Variants in DHX38 observed in about 807,000 individuals in gnomAD.
The protein encoded by DHX38 is DEAH-box helicase 38.
A neutral mutation model predicts 153.1 loss-of-function variants in DHX38; 100 were observed. The observed-to-expected ratio is 0.65, with a 90% confidence interval of 0.56 to 0.77. DHX38 has a LOEUF of 0.77. Ranked by LOEUF, DHX38 falls within the 30% of genes least tolerant of loss-of-function variation. The pLI, the probability that DHX38 is intolerant of heterozygous loss-of-function variation, is 0.00. For synonymous variants in DHX38, 650 were observed against 631.7 expected (o/e 1.03, Z -0.43); for missense variants, 1,440 against 1,654.0 (o/e 0.87, Z 2.24).
At chr16:72,106,439 A>G (rs58152051) in intron 19 of DHX38, among the ~76,000 whole-genome samples, 90,084 of 149,370 alleles carry the variant, frequency 0.6, 28,553 homozygotes, top group African/African-American at 0.77. Context: ...CTCTTTCCCC[A>G]TTTTCTTTCT....
intron 16 of DHX38, 32 bp downstream of exon 16, chr16:72,105,169 G>C: frequency 6.2e-7 from 1 of 1,613,804 alleles, no homozygotes; most frequent in East Asian, 2.2e-5. Context: ...GTGATGAGCG[G>C]GTGTGTCTTG....
chr16:72,102,279 T>A (rs1193562639), intron 11 of DHX38, among the ~76,000 whole-genome samples: 1 of 152,174 alleles, frequency 6.6e-6, no homozygotes, highest in African/African-American at 2.4e-5. Flanking sequence ...CCCTTATTCT[T>A]CTCTAGTTAA....
rs915447491 is a variant in DHX38 at position 72,106,182 on chromosome 16, C to G, written c.2600+65C>G. 6 of 1,510,310 alleles carry G rather than the reference C, an allele frequency of 4.0e-6. No individual in the cohort carries two copies. The Admixed American group carries it at 6.8e-5, about 17-fold the overall frequency. 93.6% of individuals were successfully genotyped at this position (1,510,310 alleles called of 1,614,324 possible). A position where few individuals can be genotyped will look rare whatever the true frequency, so the allele number is the denominator to read the frequency against. On this transcript the variant is annotated intron_variant, in intron 19 of 26. Coordinates refer to ENST00000268482, the MANE Select transcript of DHX38 (RefSeq NM_014003.4). The stretch of plus-strand genomic sequence containing the variant: ...GGGGTTGCTGAGCGTGGAGCCCGGG[C>G]GGGGGCGGGCAGGATGCTGGCTCTA...
chr16:72,097,132 C>T, intron 3 of DHX38, 123 bp downstream of exon 3: 3 of 1,142,340 alleles, frequency 2.6e-6, no homozygotes, highest in Non-Finnish European at 3.6e-6. Flanking sequence ...ATGATGTCCG[C>T]CTGAGTGGTT....
At chr16:72,099,129 T>G (rs924015733) in intron 6 of DHX38, 75 bp from the exon 7 acceptor site, 54 of 1,594,524 alleles carry the variant, frequency 3.4e-5, no homozygotes, top group Non-Finnish European at 4.5e-5. Flanking sequence ...TGGAGCTGCA[T>G]GGCCCTGCAG....
intron 10 of DHX38, 79 bp from the exon 11 acceptor site, chr16:72,101,421 C>T: frequency 7.1e-7 from 1 of 1,415,554 alleles, no homozygotes; most frequent in Non-Finnish European, 9.7e-7. Flanking sequence ...GGGGTGAAGT[C>T]TGCTCTCCCG....
chr16:72,096,001 G>C, intron 1 of DHX38, 138 bp from the exon 2 acceptor site: 2 of 860,624 alleles, frequency 2.3e-6, no homozygotes, highest in Middle Eastern at 3.0e-4. Flanking sequence ...AGGTCTTGGA[G>C]AGAGGGAGCA....
At chr16:72,102,413 G>A (rs2042113791) in intron 11 of DHX38, among the ~76,000 whole-genome samples, 1 of 152,316 alleles carries the variant, frequency 6.6e-6, no homozygotes, top group South Asian at 2.1e-4. Flanking sequence ...GGGTTGGGGA[G>A]GGGTGTGTGG....
chr16:72,103,905 G>C (rs765364895), intron 13 of DHX38, 41 bp from the exon 14 acceptor site: 1 of 1,609,654 alleles, frequency 6.2e-7, no homozygotes, highest in East Asian at 2.2e-5. Context: ...CTGGTGGTGA[G>C]CCGGTGGCCA....
chr16:72,103,567 C>G, intron 12 of DHX38, 35 bp from the exon 13 acceptor site: 2 of 1,584,638 alleles, frequency 1.3e-6, no homozygotes, highest in Non-Finnish European at 1.7e-6. Context: ...CCTTCCACTT[C>G]GGCTGATAAG....
rs1434561931 is a variant in DHX38 at position 72,112,704 on chromosome 16, G to A, written c.*207G>A. ...AGGAGCACGGCATGGCGGGAGCGGG[G>A]CTGCAGAGTATCCGAGGTGCTGCCG... On this transcript the variant is annotated 3_prime_UTR_variant, in exon 27 of 27. Transcript: ENST00000268482. The A allele has an allele frequency of 1.4e-6, 1 of 714,440 alleles. No individual in the cohort carries two copies. The highest frequency in any genetic ancestry group is 2.0e-5 in the Admixed American group (1 of 50,026). 44.3% of individuals were successfully genotyped at this position (714,440 alleles called of 1,614,324 possible).
At chr16:72,102,945 TG>T in intron 11 of DHX38, 128 bp from the exon 12 acceptor site, 1 of 1,320,952 alleles carries the variant, frequency 7.6e-7, no homozygotes. Flanking sequence ...TCAGATTCCC[TG>T]GCTGCTTTGG....
At position 72,099,985 on chromosome 16, in the gene DHX38, C is replaced by A. The variant is rs2042078604; in HGVS notation, c.1116+98C>A. On this transcript the variant is annotated intron_variant, in intron 8 of 26. Coordinates refer to ENST00000268482, the MANE Select transcript of DHX38 (RefSeq NM_014003.4). ...CCCAAGTGAGGGCAGCACAGCTTGT[C>A]CCCTGATTGCCGAGAAGCCCAGATC... is the stretch of plus-strand genomic sequence containing the variant. 6.8e-6 allele frequency: 10 copies of A among 1,460,702 alleles called. No individual in the cohort carries two copies. The South Asian group carries it at 1.0e-4, about 15-fold the overall frequency. 90.5% of individuals were successfully genotyped at this position (1,460,702 alleles called of 1,614,324 possible).
chr16:72,110,727 G>A (rs1366530375), intron 25 of DHX38, among the ~76,000 whole-genome samples: 3 of 152,222 alleles, frequency 2.0e-5, no homozygotes, highest in Non-Finnish European at 4.4e-5. Context: ...GTACTTCCTG[G>A]ACTGAGGGAT....
chr16:72,095,655 A>G (rs768368176), intron 1 of DHX38, among the ~76,000 whole-genome samples: 12 of 152,102 alleles, frequency 7.9e-5, no homozygotes, highest in African/African-American at 1.9e-4. Flanking sequence ...TAAGGTAAAA[A>G]TTTTTTCCAT....
rs73578560 is a variant in DHX38 at position 72,107,846 on chromosome 16, G to A, written c.2964+47G>A. On this transcript the variant is annotated intron_variant, in intron 21 of 26. Coordinates refer to ENST00000268482, the MANE Select transcript of DHX38 (RefSeq NM_014003.4). The surrounding 1 kb of genome is among the most constrained non-coding windows in gnomAD (Gnocchi z 5.3). The stretch of plus-strand genomic sequence containing the variant: ...CTCTCCCCGGAGGGCTCGAGGAAGT[G>A]TTGGGGAGGGGAATGGCTTCTCTCT... The A allele has an allele frequency of 7.7e-3, 12,322 of 1,596,204 alleles. 819 individuals are homozygous for A. The African/African-American group carries it at 0.15, about 19-fold the overall frequency.
At chr16:72,110,810 C>A (rs532639099) in intron 25 of DHX38, 146 bp from the exon 26 acceptor site, 3 of 1,093,636 alleles carry the variant, frequency 2.7e-6, no homozygotes, top group African/African-American at 3.2e-5. Context: ...GAAGAGAAGG[C>A]GGCTTTGGTA....
chr16:72,105,248 T>C lies in DHX38; in HGVS notation c.2279T>C (p.Ile760Thr), dbSNP rs2042158696. Residue 760 changes from isoleucine (I) to threonine (T), a missense_variant, in exon 17 of 27, where the codon ATT (isoleucine) becomes ACT (threonine). Physicochemically the swap from Ile to Thr is moderately conservative, Grantham distance 89 (BLOSUM62 -1). This residue lies in a region of DHX38 where 543 missense variants were observed against 717.9 expected (regional missense o/e 0.76). Coordinates refer to ENST00000268482, the MANE Select transcript of DHX38 (RefSeq NM_014003.4). Reference sequence around the variant, plus strand: ...GGCTCTCAGGTGACCTCAGACCAGATTGTGGAGCATCTGGAGGAACTGGAG... The same window carrying C: ...GGCTCTCAGGTGACCTCAGACCAGACTGTGGAGCATCTGGAGGAACTGGAG... ...QEDIEVTSDQ[I>T]VEHLEELENA... The C allele has an allele frequency of 3.1e-6, 5 of 1,614,130 alleles. No individual in the cohort carries two copies. Among genetic ancestry groups the C allele is most frequent in the Non-Finnish European group, 4.2e-6 (5 of 1,180,016 alleles).
rs371083651 is a variant in DHX38, at chr16:72,111,018, G to A, written c.3540G>A (p.Glu1180=). 12 of 1,585,526 alleles carry A rather than the reference G, an allele frequency of 7.6e-6. No homozygotes were observed. The Admixed American group carries it at 1.3e-4, about 17-fold the overall frequency. ...TGGAGGAGGAGATGGCGCTGGCCGA[G>A]GAGCAGCTGCGAGCCCGGCGGCAGG... is the stretch of plus-strand genomic sequence containing the variant. ...SAMEEEMALA[E]EQLRARRQEQ... Residue 1180 remains glutamate, a synonymous_variant, in exon 26 of 27, where the codon GAG becomes GAA. Transcript: ENST00000268482.
Sources: gnomAD v4.1 joint callset for allele counts (sites outside exome capture counted in the v4.1 genomes callset) on GRCh38, gnomAD v4.1.1 for gene constraint, gnomAD v4.1.1 regional missense constraint, Gnocchi (gnomAD v3.1) non-coding constraint, MANE v1.5 for transcripts, NCBI Gene and HGNC (gene_info 2026-07-23, HGNC 2026-07-21) for gene names.